The following ARMH3 variants were observed in gnomAD, a reference collection of about 807,000 sequenced individuals.
ARMH3 encodes armadillo-like helical domain-containing protein 3.
A neutral mutation model predicts 99.1 loss-of-function variants in ARMH3; 60 were observed. The observed-to-expected ratio is 0.61, with a 90% confidence interval of 0.49 to 0.75. The LOEUF is 0.75. Ranked by LOEUF, ARMH3 falls within the 30% of genes least tolerant of loss-of-function variation. The pLI is 0.00. For synonymous variants in ARMH3, 285 were observed against 292.8 expected, an observed-to-expected ratio of 0.97 and a Z score of 0.27; for missense variants, 679 against 843.1, an observed-to-expected ratio of 0.81 and a Z score of 2.41.
chr10:102,018,556 C>G (rs144940031), intron 8 of ARMH3, among the ~76,000 whole-genome samples: 1 of 152,286 alleles, frequency 6.6e-6, no homozygotes, highest in Non-Finnish European at 1.5e-5. Context: ...AACCTAGTGA[C>G]ATTTTAGCCA....
At chr10:101,975,925 C>A (rs1390861709) in intron 19 of ARMH3, among the ~76,000 whole-genome samples, 5 of 150,914 alleles carry the variant, frequency 3.3e-5, no homozygotes, top group Non-Finnish European at 5.9e-5. Flanking sequence ...GAGGCCGAGG[C>A]GGGCAGATCA....
chr10:101,898,760 G>A (rs1180352402), intron 23 of ARMH3, among the ~76,000 whole-genome samples: 1 of 152,192 alleles, frequency 6.6e-6, no homozygotes, highest in Non-Finnish European at 1.5e-5. Flanking sequence ...ACTCTTATAA[G>A]ACTACCAGAT....
At chr10:101,854,641 T>G (rs1281976680) in intron 24 of ARMH3, among the ~76,000 whole-genome samples, 1 of 152,196 alleles carries the variant, frequency 6.6e-6, no homozygotes, top group Admixed American at 6.5e-5. Context: ...CATCTGCCCC[T>G]GAAGCCTCTG....
At chr10:101,893,879 C>T (rs1366869331) in intron 23 of ARMH3, among the ~76,000 whole-genome samples, 1 of 152,150 alleles carries the variant, frequency 6.6e-6, no homozygotes, top group Non-Finnish European at 1.5e-5. Context: ...GTTCTTCATA[C>T]TGCAGGACAT....
At chr10:101,865,769 G>A (rs934016127) in intron 24 of ARMH3, among the ~76,000 whole-genome samples, 80 of 151,808 alleles carry the variant, frequency 5.3e-4, no homozygotes, top group African/African-American at 1.5e-3. Context: ...GATTACAGGC[G>A]TGAGCCGCTG....
intron 2 of ARMH3, among the ~76,000 whole-genome samples, chr10:102,036,354 C>T (rs908654919): frequency 3.3e-5 from 5 of 151,628 alleles, no homozygotes; most frequent in African/African-American, 1.2e-4. Context: ...TCTGCCCGGC[C>T]ACCACCCCGT....
chr10:101,851,262 G>A (rs909274300), intron 24 of ARMH3, among the ~76,000 whole-genome samples: 10 of 152,204 alleles, frequency 6.6e-5, no homozygotes, highest in African/African-American at 9.6e-5. Context: ...CAGGCCAGAT[G>A]TGACTTCAGC....
chr10:101,856,539 T>C (rs1589912023), intron 24 of ARMH3, among the ~76,000 whole-genome samples: 1 of 152,078 alleles, frequency 6.6e-6, no homozygotes, highest in South Asian at 2.1e-4. Flanking sequence ...GCAGTTCTGC[T>C]TTAACCCTGT....
At chr10:101,998,999 G>T (rs1377276036) in intron 15 of ARMH3, among the ~76,000 whole-genome samples, 3 of 152,132 alleles carry the variant, frequency 2.0e-5, no homozygotes. Flanking sequence ...CTACTGGACA[G>T]TTAGTTCCTA....
At chr10:101,928,231 C>T (rs931114653) in intron 23 of ARMH3, among the ~76,000 whole-genome samples, 4 of 152,132 alleles carry the variant, frequency 2.6e-5, no homozygotes, top group African/African-American at 9.7e-5. Flanking sequence ...TATAAGGTTC[C>T]TCAGGTTGGC....
At chr10:102,028,898 G>T (rs987703476) in intron 5 of ARMH3, among the ~76,000 whole-genome samples, 1 of 152,120 alleles carries the variant, frequency 6.6e-6, no homozygotes, top group Non-Finnish European at 1.5e-5. Flanking sequence ...TTGAGACAGG[G>T]TCTTGCTCTG....
chr10:101,943,731 G>A (rs1844344424), intron 22 of ARMH3, among the ~76,000 whole-genome samples: 3 of 152,022 alleles, frequency 2.0e-5, no homozygotes, highest in African/African-American at 2.4e-5. Context: ...AGACCTAGAC[G>A]TGAAGAAAGA....
chr10:101,949,510 C>A (rs998261419), intron 22 of ARMH3, among the ~76,000 whole-genome samples: 1 of 152,090 alleles, frequency 6.6e-6, no homozygotes, highest in Non-Finnish European at 1.5e-5. Flanking sequence ...ACACAAGCTT[C>A]CAAAGGTCAC....
intron 24 of ARMH3, among the ~76,000 whole-genome samples, chr10:101,872,435 G>C (rs2067153309): frequency 6.6e-6 from 1 of 152,040 alleles, no homozygotes; most frequent in African/African-American, 2.4e-5. Flanking sequence ...AGTGGCTCAT[G>C]TCTGTAATCC....
intron 24 of ARMH3, among the ~76,000 whole-genome samples, chr10:101,870,088 T>C (rs2067099765): frequency 6.6e-6 from 1 of 152,094 alleles, no homozygotes; most frequent in Non-Finnish European, 1.5e-5. Context: ...AGCTAATTCT[T>C]TGAAAGATTA....
chr10:101,985,090 C>T (rs1471137594), intron 19 of ARMH3, among the ~76,000 whole-genome samples: 11 of 130,004 alleles, frequency 8.5e-5, no homozygotes, highest in African/African-American at 2.0e-4. Flanking sequence ...CACACACACA[C>T]ACACACACAC....
chr10:101,864,618 T>A (rs975732118), intron 24 of ARMH3, among the ~76,000 whole-genome samples: 1 of 152,082 alleles, frequency 6.6e-6, no homozygotes, highest in Admixed American at 6.6e-5. Flanking sequence ...CTGGAAACCA[T>A]AATTCTGAGC....
intron 23 of ARMH3, among the ~76,000 whole-genome samples, chr10:101,893,690 G>A (rs1159895820): frequency 6.6e-6 from 1 of 151,854 alleles, no homozygotes; most frequent in Non-Finnish European, 1.5e-5. Flanking sequence ...GAGAGAGGAA[G>A]AAGAGAGGGA....
chr10:102,041,093 A>ATATATATATATATAATATATATATAT (rs2067409216), intron 1 of ARMH3, among the ~76,000 whole-genome samples: 2 of 138,826 alleles, frequency 1.4e-5, no homozygotes, highest in Admixed American at 1.4e-4. Context: ...TATATATAAT[A>ATATATATATATATAATATATATATAT]TATATATATA....
Sources: gnomAD v4.1 joint callset for allele counts (sites outside exome capture counted in the v4.1 genomes callset) on GRCh38, gnomAD v4.1.1 for gene constraint, MANE v1.5 for transcripts, NCBI Gene and HGNC (gene_info 2026-07-23, HGNC 2026-07-21) for gene names.